HAUS3: variants seen among roughly 807,000 people sequenced by gnomAD.
The protein encoded by HAUS3 is HAUS augmin like complex subunit 3.
HAUS3 carries 36 observed loss-of-function variants against 55.2 expected under a neutral mutation model. The observed-to-expected ratio is 0.65, with a 90% confidence interval of 0.50 to 0.86. The LOEUF is 0.86. Ranked by LOEUF, HAUS3 falls within the 40% of genes least tolerant of loss-of-function variation. HAUS3 has a pLI of 0.00. For synonymous variants in HAUS3, 234 were observed against 238.6 expected, an observed-to-expected ratio of 0.98 and a Z score of 0.18; for missense variants, 752 against 671.5, an observed-to-expected ratio of 1.12 and a Z score of -1.33.
chr4:2,240,882 A>C lies in HAUS3; in HGVS notation c.65T>G (p.Leu22Arg). Residue 22 changes from leucine to arginine, a missense_variant, in exon 3 of 6, where the codon CTT becomes CGT. Coordinates refer to ENST00000443786, the MANE Select transcript of HAUS3 (RefSeq NM_001303143.2). Reference sequence around the variant, plus strand: ...CAACCAGTCAAAGTCTTCTCCATTAAGATTATCAGCTTTGGGATAACCAAT... The same window carrying C: ...CAACCAGTCAAAGTCTTCTCCATTACGATTATCAGCTTTGGGATAACCAAT... ...KKIGYPKADN[L>R]NGEDFDWLFE... 1.9e-6 allele frequency: 3 copies of C among 1,610,078 alleles called. No homozygotes were observed. Among genetic ancestry groups the C allele is most frequent in the Non-Finnish European group, 2.5e-6 (3 of 1,179,654 alleles).
chr4:2,234,061 AAAAAG>A (rs1268469322), intron 5 of HAUS3, among the ~76,000 whole-genome samples: 1 of 152,248 alleles, frequency 6.6e-6, no homozygotes, highest in Non-Finnish European at 1.5e-5. Context: ...ACAAAAGAAA[AAAAAG>A]AAGACTATCA....
rs770168907 is a variant in HAUS3, at chr4:2,240,360, G to A, written c.587C>T (p.Ser196Leu). 1.6e-5 allele frequency: 25 copies of A among 1,602,524 alleles called. No homozygotes were observed. The highest frequency in any genetic ancestry group is 2.2e-5 in the South Asian group (2 of 90,278). ...TAGGTATTTTTCCAAGGAAAATTGC[G>A]ATAAAAATACCAGTGGATTTGTCCC... ...GQGTNPLVFLSQFSLEKYLSQ... is the reference protein window; with the variant it reads ...GQGTNPLVFLLQFSLEKYLSQ... Residue 196 changes from serine to leucine, a missense_variant, in exon 3 of 6, where the codon TCG (serine) becomes TTG (leucine). Transcript: ENST00000443786.
intron 4 of HAUS3, among the ~76,000 whole-genome samples, chr4:2,237,131 G>A (rs1372099650): frequency 6.6e-6 from 1 of 151,296 alleles, no homozygotes; most frequent in African/African-American, 2.5e-5. Context: ...GAAAACACAT[G>A]TCTCATAGAA....
intron 5 of HAUS3, 61 bp downstream of exon 5, chr4:2,236,167 A>G (rs993663842): frequency 2.8e-5 from 27 of 969,884 alleles, no homozygotes; most frequent in Non-Finnish European, 4.1e-5. Flanking sequence ...ATTTTCTTTA[A>G]TATCTTTTAC....
Position 2,242,092 on chromosome 4 carries a change from C to G in HAUS3, c.-460G>C. ...TGCTTCTCGCAGGAGCCCGCCGCCA[C>G]CGCCCTCCGTGCCCCGCGCGCCTCG... On this transcript the variant is annotated 5_prime_UTR_variant, in exon 1 of 6. Transcript: ENST00000443786. 1 of 985,926 alleles carries G rather than the reference C, an allele frequency of 1.0e-6. No individual in the cohort carries two copies. 61.1% of individuals were successfully genotyped at this position (985,926 alleles called of 1,614,324 possible).
chr4:2,239,973 A>G, intron 3 of HAUS3, 65 bp downstream of exon 3: 1 of 1,250,478 alleles, frequency 8.0e-7, no homozygotes, highest in Non-Finnish European at 1.1e-6. Context: ...CTTTAACAGC[A>G]ATATTATCTC....
At chr4:2,239,103 G>T in intron 3 of HAUS3, 60 bp from the exon 4 acceptor site, 1 of 909,790 alleles carries the variant, frequency 1.1e-6, no homozygotes, top group Non-Finnish European at 1.6e-6. Context: ...ATCATCTTAA[G>T]ATTATTTTCA....
chr4:2,232,025 A>G lies in HAUS3; in HGVS notation c.1714T>C (p.Phe572Leu), dbSNP rs1220177499. Residue 572 changes from phenylalanine to leucine, a missense_variant, in exon 6 of 6, where the codon TTC becomes CTC. By Grantham distance (22) the Phe-to-Leu change is conservative (BLOSUM62 0). Transcript: ENST00000443786. ...TCATCTTTTAAAAAATATACATAGA[A>G]TTCTCTTTCCATTTGATGTAATTTA... ...NNKLHQMEREFYVYFLKDEDY... is the reference protein window; with the variant it reads ...NNKLHQMERELYVYFLKDEDY... 6.6e-7 allele frequency: 1 copy of G among 1,511,570 alleles called. No homozygotes were observed. Among genetic ancestry groups the G allele is most frequent in the Non-Finnish European group, 9.1e-7 (1 of 1,093,452 alleles). 93.6% of individuals were successfully genotyped at this position (1,511,570 alleles called of 1,614,324 possible). A position where few individuals can be genotyped will look rare whatever the true frequency, so the allele number is the denominator to read the frequency against.
Position 2,229,149 on chromosome 4 carries a change from A to G in HAUS3, c.*2778T>C, listed in dbSNP as rs1421505733. The G allele has an allele frequency of 1.4e-5, 22 of 1,610,588 alleles. No individual in the cohort carries two copies. Among genetic ancestry groups the G allele is most frequent in the Non-Finnish European group, 1.6e-5 (19 of 1,176,920 alleles). ...AGAATCCACTAAATCACCTGAATGCATAGCAGACATAATCTTCTGAGCAAC... is the reference window on the plus strand; with the variant it reads ...AGAATCCACTAAATCACCTGAATGCGTAGCAGACATAATCTTCTGAGCAAC... On this transcript the variant is annotated 3_prime_UTR_variant, in exon 6 of 6. Transcript: ENST00000443786.
At chr4:2,233,446 T>C (rs980501224) in intron 5 of HAUS3, among the ~76,000 whole-genome samples, 2 of 152,074 alleles carry the variant, frequency 1.3e-5, no homozygotes, top group Admixed American at 6.5e-5. Context: ...CATTTTTTTT[T>C]CACATTTTAA....
In HAUS3 at chr4:2,238,590, T is replaced by A. The variant is rs1315589175; in HGVS notation, c.1349+14A>T. ...AAGGAAATATTTACTAAAGAAACAA[T>A]GAAGCATACGTACCTATGAGTAGAA... On this transcript the variant is annotated intron_variant, in intron 4 of 5. Coordinates refer to ENST00000443786, the MANE Select transcript of HAUS3 (RefSeq NM_001303143.2). 6.9e-7 allele frequency: 1 copy of A among 1,457,648 alleles called. No homozygotes were observed. The highest frequency in any genetic ancestry group is 2.3e-5 in the East Asian group (1 of 42,898). The allele number at this position is 1,457,648 out of a possible 1,614,324, so 90.3% of individuals were successfully genotyped here.
intron 3 of HAUS3, 114 bp downstream of exon 3, chr4:2,239,924 T>C (rs1386090471): frequency 1.3e-6 from 1 of 797,202 alleles, no homozygotes; most frequent in Non-Finnish European, 2.0e-6. Context: ...ACAAAGAAAA[T>C]AAAATGTAAT....
chr4:2,238,694 T>C lies in HAUS3; in HGVS notation c.1259A>G (p.Tyr420Cys), dbSNP rs376754699. ...ATCTGTTAACATTTCTAATTGCTTG[T>C]AGAGCATCATGTTACTTTGACTAAG... ...QELSQSNMML[Y>C]KQLEMLTDPS... is the part of the protein sequence containing the mutation. Residue 420 changes from tyrosine to cysteine, a missense_variant, in exon 4 of 6, where the codon TAC becomes TGC. Coordinates refer to ENST00000443786, the MANE Select transcript of HAUS3 (RefSeq NM_001303143.2). The C allele has an allele frequency of 2.7e-5, 44 of 1,612,818 alleles. No homozygotes were observed. The highest frequency in any genetic ancestry group is 3.3e-5 in the Non-Finnish European group (39 of 1,178,998).
At chr4:2,236,995 C>G (rs1353713376) in intron 4 of HAUS3, among the ~76,000 whole-genome samples, 1 of 151,730 alleles carries the variant, frequency 6.6e-6, no homozygotes, top group African/African-American at 2.4e-5. Flanking sequence ...CTAACTACTA[C>G]ATTAGATAAA....
In HAUS3 at chr4:2,242,079, G is replaced by C. The variant is rs1016179967; in HGVS notation, c.-447C>G. ...AGGAAGTTCCGCTTGCTTCTCGCAG[G>C]AGCCCGCCGCCACCGCCCTCCGTGC... On this transcript the variant is annotated 5_prime_UTR_variant, in exon 1 of 6. Transcript: ENST00000443786. The C allele has an allele frequency of 1.0e-6, 1 of 985,686 alleles. No individual in the cohort carries two copies. The highest frequency in any genetic ancestry group is 1.2e-6 in the Non-Finnish European group (1 of 830,210). 61.1% of individuals were successfully genotyped at this position (985,686 alleles called of 1,614,324 possible).
intron 4 of HAUS3, 68 bp from the exon 5 acceptor site, chr4:2,236,524 C>A: frequency 9.0e-7 from 1 of 1,114,870 alleles, no homozygotes; most frequent in Non-Finnish European, 1.3e-6. Flanking sequence ...AATTACAATC[C>A]ACTGTATTGG....
chr4:2,239,030 T>G lies in HAUS3; in HGVS notation c.923A>C (p.Glu308Ala), dbSNP rs1192158346. Reference protein sequence around the residue: ...HSLTSKAVDKENLDAKISSLT... With the variant: ...HSLTSKAVDKANLDAKISSLT... Reference sequence around the variant, plus strand: ...GCTAGAAATTTTAGCATCCAAATTTTCTTTGTCCACAGCCTATACAAAGAA... The same window carrying G: ...GCTAGAAATTTTAGCATCCAAATTTGCTTTGTCCACAGCCTATACAAAGAA... Residue 308 changes from glutamate to alanine, a missense_variant, in exon 4 of 6, where the codon GAA (glutamate) becomes GCA (alanine). Transcript: ENST00000443786. 6.5e-7 allele frequency: 1 copy of G among 1,531,184 alleles called. No homozygotes were observed. 94.8% of individuals were successfully genotyped at this position (1,531,184 alleles called of 1,614,324 possible). A position where few individuals can be genotyped will look rare whatever the true frequency, so the allele number is the denominator to read the frequency against.
intron 5 of HAUS3, among the ~76,000 whole-genome samples, chr4:2,232,813 T>C (rs934690444): frequency 6.6e-6 from 1 of 152,178 alleles, no homozygotes; most frequent in East Asian, 1.9e-4. Flanking sequence ...CAAGTTTCCA[T>C]AGCTTTCTAA....
chr4:2,238,527 T>G (rs1324994422), intron 4 of HAUS3, 77 bp downstream of exon 4: 2 of 968,290 alleles, frequency 2.1e-6, no homozygotes, highest in African/African-American at 3.3e-5. Flanking sequence ...ACTTCCAAAA[T>G]TTTAGCTCAA....
Sources: gnomAD v4.1 joint callset for allele counts (sites outside exome capture counted in the v4.1 genomes callset) on GRCh38, gnomAD v4.1.1 for gene constraint, MANE v1.5 for transcripts, NCBI Gene and HGNC (gene_info 2026-07-23, HGNC 2026-07-21) for gene names.